MGAT5: variants seen among roughly 807,000 people sequenced by gnomAD.
MGAT5 encodes alpha-1,6-mannosylglycoprotein 6-beta-N-acetylglucosaminyltransferase A.
A neutral mutation model predicts 94.3 loss-of-function variants in MGAT5; 30 were observed. The ratio of observed to expected loss-of-function variants is 0.32; its 90% CI spans 0.24 to 0.43. The LOEUF is 0.43. Among genes scored for constraint, MGAT5 ranks in the 20% least tolerant of loss-of-function variants. MGAT5 has a pLI of 1.00. For missense variants in MGAT5, 691 were observed against 905.5 expected (o/e 0.76, Z 3.04); for synonymous variants, 310 against 322.9 (o/e 0.96, Z 0.43).
At chr2:134,328,614 C>G (rs890471006) in intron 4 of MGAT5, among the ~76,000 whole-genome samples, 2 of 152,180 alleles carry the variant, frequency 1.3e-5, no homozygotes, top group Admixed American at 6.6e-5. Context: ...TATTCATTCA[C>G]TACTTAACAA....
At chr2:134,411,351 G>A (rs73960906) in intron 11 of MGAT5, among the ~76,000 whole-genome samples, 1 of 152,110 alleles carries the variant, frequency 6.6e-6, no homozygotes, top group African/African-American at 2.4e-5. Flanking sequence ...TGCTGCCCAA[G>A]GGGGAAATGA....
At chr2:134,290,928 T>A (rs1245394475) in intron 2 of MGAT5, among the ~76,000 whole-genome samples, 2 of 152,222 alleles carry the variant, frequency 1.3e-5, no homozygotes, top group Non-Finnish European at 2.9e-5. Flanking sequence ...CAGTAAGTGC[T>A]TATTGCGTGT....
intron 10 of MGAT5, among the ~76,000 whole-genome samples, chr2:134,369,167 G>A (rs1680625756): frequency 6.6e-6 from 1 of 152,168 alleles, no homozygotes; most frequent in Non-Finnish European, 1.5e-5. Flanking sequence ...TCTCCCCTAA[G>A]TTTAGCTTAA....
chr2:134,209,170 A>AT (rs1282687888), intron 1 of MGAT5, among the ~76,000 whole-genome samples: 13 of 30,684 alleles, frequency 4.2e-4, no homozygotes, highest in East Asian at 1.7e-3. Flanking sequence ...TTTTTTTTTT[A>AT]TTTTTTTTTT....
chr2:134,361,693 G>A (rs1380714490), intron 9 of MGAT5, among the ~76,000 whole-genome samples: 1 of 152,152 alleles, frequency 6.6e-6, no homozygotes, highest in African/African-American at 2.4e-5. Context: ...CTTTTATTCT[G>A]TCTTCATTCC....
intron 1 of MGAT5, among the ~76,000 whole-genome samples, chr2:134,257,114 T>C (rs1257218): frequency 0.77 from 116,424 of 152,174 alleles, 44,687 homozygotes; most frequent in African/African-American, 0.8. Context: ...TGTCTTTAGA[T>C]ATGTGATAAT....
In MGAT5 at chr2:134,232,983, T is replaced by C. The variant is rs376545175; in HGVS notation, c.-142-21279T>C. 2.2e-4 allele frequency among the ~76,000 whole-genome samples: 34 copies of C among 152,274 alleles called. No homozygotes were observed. In the South Asian group the frequency reaches 7.0e-3, roughly 32 times the overall value. On this transcript the variant is annotated intron_variant, in intron 1 of 16. Transcript: ENST00000409645. The stretch of plus-strand genomic sequence containing the variant: ...GTCTAGTGACCTAAGGTCATAACTT[T>C]CTTAAGTTAAAAAGTTAAAACTGCC...
At chr2:134,239,488 TG>T (rs1681851796) in intron 1 of MGAT5, among the ~76,000 whole-genome samples, 1 of 152,198 alleles carries the variant, frequency 6.6e-6, no homozygotes, top group African/African-American at 2.4e-5. Flanking sequence ...CCTTGATTTA[TG>T]CAAATCACTT....
intron 1 of MGAT5, among the ~76,000 whole-genome samples, chr2:134,129,572 G>A (rs553223334): frequency 1.3e-5 from 2 of 152,136 alleles, no homozygotes; most frequent in African/African-American, 4.8e-5. Flanking sequence ...ACTGTTATAG[G>A]ATCTGTTCTT....
chr2:134,233,450 G>A (rs1272951620), intron 1 of MGAT5, among the ~76,000 whole-genome samples: 1 of 152,186 alleles, frequency 6.6e-6, no homozygotes, highest in African/African-American at 2.4e-5. Context: ...CTTTTTATCA[G>A]TTACAGTAAC....
rs1558958628 is a variant in MGAT5, at chr2:134,151,664, ATGCC to A, written c.-143+31374_-143+31377del. On this transcript the variant is annotated intron_variant, in intron 1 of 16. Coordinates refer to the MGAT5 transcript ENST00000409645. ...CTCCCACTGCCATGGGACCTCACTC[ATGCC>A]CTGTGGGACCCACTCACTGCCATGG... is the stretch of plus-strand genomic sequence containing the variant. Among the ~76,000 whole-genome samples the A allele has an allele frequency of 5.5e-4, 51 of 93,292 alleles. 4 individuals are homozygous for A. The highest frequency in any genetic ancestry group is 2.5e-3 in the African/African-American group (46 of 18,134). 61.2% of individuals were successfully genotyped at this position (93,292 alleles called of 152,430 possible). A position where few individuals can be genotyped will look rare whatever the true frequency, so the allele number is the denominator to read the frequency against.
intron 9 of MGAT5, among the ~76,000 whole-genome samples, chr2:134,352,742 A>G (rs991406845): frequency 1.9e-4 from 29 of 152,302 alleles, no homozygotes; most frequent in Middle Eastern, 3.4e-3. Flanking sequence ...ATCTCGAAAA[A>G]GTGTTTGCAC....
chr2:134,323,212 A>G (rs1411412739), intron 4 of MGAT5, among the ~76,000 whole-genome samples: 1 of 152,126 alleles, frequency 6.6e-6, no homozygotes, highest in Non-Finnish European at 1.5e-5. Context: ...TCCTTAAAAT[A>G]CCCCCACAGC....
intron 14 of MGAT5, among the ~76,000 whole-genome samples, chr2:134,428,942 A>G (rs954364265): frequency 6.6e-6 from 1 of 152,242 alleles, no homozygotes; most frequent in African/African-American, 2.4e-5. Context: ...GAGGGTGCCA[A>G]GAGTTCCACC....
chr2:134,164,169 T>G (rs1163020526), intron 1 of MGAT5, among the ~76,000 whole-genome samples: 1 of 152,214 alleles, frequency 6.6e-6, no homozygotes, highest in Non-Finnish European at 1.5e-5. Flanking sequence ...CCAGAATTTC[T>G]CAGGCTTTTA....
chr2:134,333,366 T>C (rs1031506279), intron 4 of MGAT5, among the ~76,000 whole-genome samples: 3 of 135,484 alleles, frequency 2.2e-5, no homozygotes, highest in African/African-American at 8.4e-5. Context: ...TTCTCACTCA[T>C]AGGTGGGAAT....
chr2:134,330,675 T>C (rs1411811123), intron 4 of MGAT5, among the ~76,000 whole-genome samples: 2 of 152,086 alleles, frequency 1.3e-5, no homozygotes. Flanking sequence ...CATTGTGAAA[T>C]GTATAATATG....
At chr2:134,385,289 A>C (rs555850720) in intron 10 of MGAT5, among the ~76,000 whole-genome samples, 17 of 152,174 alleles carry the variant, frequency 1.1e-4, no homozygotes, top group Non-Finnish European at 2.5e-4. Flanking sequence ...CTCTGAGTCT[A>C]TCTCTCCAAG....
At chr2:134,199,523 A>G (rs1330726081) in intron 1 of MGAT5, among the ~76,000 whole-genome samples, 1 of 151,302 alleles carries the variant, frequency 6.6e-6, no homozygotes, top group Non-Finnish European at 1.5e-5. Context: ...TTCTAAAAAC[A>G]GTGGCCTGAA....
Sources: allele counts gnomAD v4.1 joint callset (sites outside exome capture counted in the v4.1 genomes callset), GRCh38; gene constraint gnomAD v4.1.1; transcripts MANE v1.5; gene names NCBI Gene and HGNC (gene_info 2026-07-23, HGNC 2026-07-21).